Variants in RAB10 observed in about 807,000 individuals in gnomAD.
The protein encoded by RAB10 is ras-related protein Rab-10.
Under a neutral mutation model 25.7 loss-of-function variants are expected in RAB10, and 5 were observed. The ratio of observed to expected loss-of-function variants is 0.19; its 90% CI spans 0.10 to 0.41. The LOEUF is 0.41. Among genes scored for constraint, RAB10 ranks in the 10% least tolerant of loss-of-function variants. The pLI is 1.00. For synonymous variants in RAB10, 89 were observed against 86.4 expected, an observed-to-expected ratio of 1.03 and a Z score of -0.16; for missense variants, 103 against 245.8, an observed-to-expected ratio of 0.42 and a Z score of 3.89.
intron 1 of RAB10, among the ~76,000 whole-genome samples, chr2:26,091,801 T>C (rs556198159): frequency 2.2e-4 from 33 of 152,208 alleles, no homozygotes; most frequent in African/African-American, 7.9e-4. Flanking sequence ...TGAAGATTGA[T>C]GAGTGGCTAG....
intron 3 of RAB10, among the ~76,000 whole-genome samples, chr2:26,123,758 G>A (rs1667851359): frequency 6.6e-6 from 1 of 152,208 alleles, no homozygotes; most frequent in South Asian, 2.1e-4. Context: ...TGTACAACAT[G>A]GACCATTGTG....
At chr2:26,117,305 C>G (rs1162534863) in intron 3 of RAB10, among the ~76,000 whole-genome samples, 1 of 151,878 alleles carries the variant, frequency 6.6e-6, no homozygotes, top group Non-Finnish European at 1.5e-5. Flanking sequence ...TAAATGATCC[C>G]CTACTTAGTG....
At chr2:26,087,259 C>G (rs1381531787) in intron 1 of RAB10, among the ~76,000 whole-genome samples, 1 of 152,106 alleles carries the variant, frequency 6.6e-6, no homozygotes, top group Admixed American at 6.6e-5. Context: ...TTACCTTGAA[C>G]TCCCTGTTTT....
At chr2:26,113,145 C>A (rs1299133823) in intron 3 of RAB10, among the ~76,000 whole-genome samples, 1 of 152,106 alleles carries the variant, frequency 6.6e-6, no homozygotes. Flanking sequence ...ATAACATGAT[C>A]AAGAGGAACT....
chr2:26,098,507 T>C lies in RAB10; in HGVS notation c.128-155T>C, dbSNP rs139090684. 646 of 607,052 alleles carry C rather than the reference T, an allele frequency of 1.1e-3. 7 individuals carry two copies. In the East Asian group the frequency reaches 0.018, roughly 17 times the overall value. The allele number at this position is 607,052 out of a possible 1,614,324, so 37.6% of individuals were successfully genotyped here. On this transcript the variant is annotated intron_variant, in intron 1 of 5. Coordinates refer to ENST00000264710, the MANE Select transcript of RAB10 (RefSeq NM_016131.5). ...ATCTTGTATTACTCAGGTTTAAAAT[T>C]GGATACATTTGCTCAGTGTTGCATA...
chr2:26,112,191 A>G (rs72858252), intron 3 of RAB10, among the ~76,000 whole-genome samples: 231 of 152,274 alleles, frequency 1.5e-3, no homozygotes, highest in African/African-American at 5.3e-3. Context: ...TCAGTTTTTC[A>G]GATTTTTGAA....
At chr2:26,079,320 CACAA>C (rs756161217) in intron 1 of RAB10, among the ~76,000 whole-genome samples, 28,211 of 107,084 alleles carry the variant, frequency 0.26, 2,873 homozygotes, top group Non-Finnish European at 0.27. Flanking sequence ...AACACACACA[CACAA>C]ACACACACAC....
intron 1 of RAB10, among the ~76,000 whole-genome samples, chr2:26,066,810 TCTCA>T (rs1193932207): frequency 1.5e-5 from 2 of 134,040 alleles, no homozygotes; most frequent in Non-Finnish European, 3.1e-5. Flanking sequence ...TGATACGGAG[TCTCA>T]CTCTGTCACC....
At chr2:26,046,123 G>A (rs567439830) in intron 1 of RAB10, among the ~76,000 whole-genome samples, 13 of 152,264 alleles carry the variant, frequency 8.5e-5, no homozygotes, top group East Asian at 1.9e-4. Flanking sequence ...TCGGGAGTTC[G>A]AGACCAGCCT....
At chr2:26,111,850 C>T (rs1667579731) in intron 3 of RAB10, among the ~76,000 whole-genome samples, 1 of 152,130 alleles carries the variant, frequency 6.6e-6, no homozygotes, top group African/African-American at 2.4e-5. Context: ...CTCATTCCTA[C>T]AAAATTGCCC....
chr2:26,038,605 T>C (rs1277914439), intron 1 of RAB10, among the ~76,000 whole-genome samples: 1 of 152,202 alleles, frequency 6.6e-6, no homozygotes, highest in East Asian at 1.9e-4. Context: ...AACACATACA[T>C]GTATTAGCTC....
intron 1 of RAB10, among the ~76,000 whole-genome samples, chr2:26,037,971 C>T (rs1001769805): frequency 4.0e-5 from 6 of 151,892 alleles, no homozygotes; most frequent in Non-Finnish European, 8.8e-5. Flanking sequence ...ACTGCAACCT[C>T]CGCCTCCCAG....
chr2:26,071,121 A>C (rs1666617394), intron 1 of RAB10, among the ~76,000 whole-genome samples: 1 of 152,224 alleles, frequency 6.6e-6, no homozygotes, highest in African/African-American at 2.4e-5. Flanking sequence ...ATTTTTGTTA[A>C]ATCTTGACCT....
At chr2:26,078,759 G>C (rs1364224303) in intron 1 of RAB10, among the ~76,000 whole-genome samples, 1 of 152,130 alleles carries the variant, frequency 6.6e-6, no homozygotes, top group Non-Finnish European at 1.5e-5. Flanking sequence ...CTAAAAGCCA[G>C]AGTAAAAAAA....
At chr2:26,060,562 A>T (rs1666373205) in intron 1 of RAB10, among the ~76,000 whole-genome samples, 1 of 152,206 alleles carries the variant, frequency 6.6e-6, no homozygotes, top group Admixed American at 6.5e-5. Flanking sequence ...TGCTGGGATT[A>T]TAGGCATGAG....
At chr2:26,059,569 A>G (rs1666353387) in intron 1 of RAB10, among the ~76,000 whole-genome samples, 1 of 152,214 alleles carries the variant, frequency 6.6e-6, no homozygotes, top group African/African-American at 2.4e-5. Context: ...TATTAAAATT[A>G]TAATTACTCA....
rs537750923 is a variant in RAB10 at position 26,086,834 on chromosome 2, G to A, written c.128-11828G>A. Among the ~76,000 whole-genome samples the A allele has an allele frequency of 9.2e-5, 14 of 152,242 alleles. No individual in the cohort carries two copies. The South Asian group carries it at 1.2e-3, about 14-fold the overall frequency. On this transcript the variant is annotated intron_variant, in intron 1 of 5. Coordinates refer to ENST00000264710, the MANE Select transcript of RAB10 (RefSeq NM_016131.5). Reference sequence around the variant, plus strand: ...CTAATATGTGCTGCATAATACGGACGGACCTTAAACATACTAAGTGAAAGA... The same window carrying A: ...CTAATATGTGCTGCATAATACGGACAGACCTTAAACATACTAAGTGAAAGA...
chr2:26,076,692 C>T (rs1666743003), intron 1 of RAB10, among the ~76,000 whole-genome samples: 1 of 151,892 alleles, frequency 6.6e-6, no homozygotes, highest in African/African-American at 2.4e-5. Flanking sequence ...GCCTGTAATC[C>T]CAGCACTTTG....
intron 5 of RAB10, among the ~76,000 whole-genome samples, chr2:26,129,287 A>G (rs1482181611): frequency 6.6e-6 from 1 of 151,462 alleles, no homozygotes; most frequent in Non-Finnish European, 1.5e-5. Flanking sequence ...AAAAAAAAAA[A>G]AAAAAAAAAA....
Sources: gnomAD v4.1 joint callset for allele counts (sites outside exome capture counted in the v4.1 genomes callset) on GRCh38, gnomAD v4.1.1 for gene constraint, MANE v1.5 for transcripts, NCBI Gene and HGNC (gene_info 2026-07-23, HGNC 2026-07-21) for gene names.